Variants in COL6A3 observed in about 807,000 individuals in gnomAD.
The protein encoded by COL6A3 is collagen alpha-3(VI) chain.
Under a neutral mutation model 274.1 loss-of-function variants are expected in COL6A3, and 137 were observed. The observed-to-expected ratio is 0.50, with a 90% CI of 0.44 to 0.58. The LOEUF is 0.58. Among genes scored for constraint, COL6A3 ranks in the 20% least tolerant of loss-of-function variants. COL6A3 has a pLI of 0.00. For missense variants in COL6A3, 3,950 were observed against 4,124.9 expected (o/e 0.96, Z 1.16); for synonymous variants, 1,650 against 1,650.6 (o/e 1.00, Z 0.01).
rs762888705 is a variant in COL6A3 at position 237,345,230 on chromosome 2, C to T, written c.7093-17G>A. 52 of 1,613,836 alleles carry T rather than the reference C, an allele frequency of 3.2e-5. No homozygotes were observed. The East Asian group carries it at 6.2e-4, about 19-fold the overall frequency. ...CTTGGGACCCTGTAAAACCAAGGAA[C>T]GAAAGGTGAGAGGCACAGCAGATGG... On this transcript the variant is annotated splice_polypyrimidine_tract_variant and intron_variant, in intron 32 of 43. Transcript: ENST00000295550.
intron 13 of COL6A3, 125 bp from the exon 14 acceptor site, chr2:237,363,523 T>C (rs2077484503): frequency 1.9e-6 from 2 of 1,072,274 alleles, no homozygotes. Context: ...TAAATATATT[T>C]AATCAAGTTT....
Position 237,344,533 on chromosome 2 carries a change from G to T in COL6A3, c.7485C>A (p.Ala2495=). The change falls in exon 36 of 44, where the codon GCC becomes GCA. Residue 2495 remains alanine (A), a synonymous_variant. Transcript: ENST00000295550. The surrounding 1 kb of genome is among the most constrained non-coding windows in gnomAD (Gnocchi z 4.8). Reference sequence around the variant, plus strand: ...TCCTCACACGCTTAAATGTGTTCCTGGCCACAAACGACATGGCAGTCTCCA... The same window carrying T: ...TCCTCACACGCTTAAATGTGTTCCTTGCCACAAACGACATGGCAGTCTCCA... ...QSLETAMSFV[A]RNTFKRVRNG... The T allele has an allele frequency of 6.2e-7, 1 of 1,614,130 alleles. No homozygotes were observed. Among genetic ancestry groups the T allele is most frequent in the Non-Finnish European group, 8.5e-7 (1 of 1,180,030 alleles).
chr2:237,361,689 G>A lies in COL6A3; in HGVS notation c.6156+50C>T, dbSNP rs373833015. The A allele has an allele frequency of 6.6e-5, 98 of 1,483,964 alleles. 1 individual carries two copies. Among genetic ancestry groups the A allele is most frequent in the Admixed American group, 1.7e-4 (10 of 59,824 alleles). 91.9% of individuals were successfully genotyped at this position (1,483,964 alleles called of 1,614,324 possible). A position where few individuals can be genotyped will look rare whatever the true frequency, so the allele number is the denominator to read the frequency against. On this transcript the variant is annotated intron_variant, in intron 15 of 43. Coordinates refer to ENST00000295550, the MANE Select transcript of COL6A3 (RefSeq NM_004369.4). This position sits in a 1 kb window ranked among gnomAD's most constrained non-coding sequence, Gnocchi z 5.1. ...GAAATTACCCCACCAAAGTAATGTC[G>A]GGCTTCTGACACCTCATCTCAGGCG... is the stretch of plus-strand genomic sequence containing the variant.
At chr2:237,377,657 A>C (rs2077884906) in intron 6 of COL6A3, among the ~76,000 whole-genome samples, 1 of 152,194 alleles carries the variant, frequency 6.6e-6, no homozygotes, top group South Asian at 2.1e-4. Flanking sequence ...CTCCAGGAAA[A>C]CAGACAGCAG....
chr2:237,344,176 A>G lies in COL6A3; in HGVS notation c.7668+174T>C. On this transcript the variant is annotated intron_variant, in intron 36 of 43. Coordinates refer to ENST00000295550, the MANE Select transcript of COL6A3 (RefSeq NM_004369.4). The surrounding 1 kb of genome is among the most constrained non-coding windows in gnomAD (Gnocchi z 4.8). ...CATGTAGGCGTCCCTGTAGTGCTGG[A>G]GCCACGAGGTTGTCCTGGAGACCTC... The G allele has an allele frequency of 1.1e-6, 1 of 923,234 alleles. No individual in the cohort carries two copies. Among genetic ancestry groups the G allele is most frequent in the Non-Finnish European group, 1.8e-6 (1 of 569,788 alleles). The allele number at this position is 923,234 out of a possible 1,614,324, so 57.2% of individuals were successfully genotyped here.
In COL6A3 at chr2:237,359,478, A is replaced by G; in HGVS notation, c.6283-90T>C. Reference sequence around the variant, plus strand: ...AGGCCAAGGGCTGTTCCCCCACTCCACCCCATTTGAATGTTGCAGTGTCTG... The same window carrying G: ...AGGCCAAGGGCTGTTCCCCCACTCCGCCCCATTTGAATGTTGCAGTGTCTG... On this transcript the variant is annotated intron_variant, in intron 17 of 43. Transcript: ENST00000295550. The G allele has an allele frequency of 3.8e-6, 5 of 1,326,658 alleles. No homozygotes were observed. The East Asian group carries it at 1.1e-4, about 30-fold the overall frequency. The allele number at this position is 1,326,658 out of a possible 1,614,324, so 82.2% of individuals were successfully genotyped here.
chr2:237,364,255 G>A lies in COL6A3; in HGVS notation c.5917+95C>T. 1 of 966,872 alleles carries A rather than the reference G, an allele frequency of 1.0e-6. No individual in the cohort carries two copies. The highest frequency in any genetic ancestry group is 1.7e-6 in the Non-Finnish European group (1 of 602,264). The allele number at this position is 966,872 out of a possible 1,614,324, so 59.9% of individuals were successfully genotyped here. A position where few individuals can be genotyped will look rare whatever the true frequency, so the allele number is the denominator to read the frequency against. ...TCCCAAGACAACGCTGCTCCCTTGG[G>A]GCGCTGCATTAGCAGAGAGGTTTCT... On this transcript the variant is annotated intron_variant, in intron 13 of 43. Coordinates refer to ENST00000295550, the MANE Select transcript of COL6A3 (RefSeq NM_004369.4). The surrounding 1 kb of genome is among the most constrained non-coding windows in gnomAD (Gnocchi z 4.6).
chr2:237,348,695 C>T (rs200492164), intron 28 of COL6A3, 32 bp from the exon 29 acceptor site: 11 of 1,609,262 alleles, frequency 6.8e-6, no homozygotes, highest in African/African-American at 1.3e-5. Flanking sequence ...GACTGTAGGT[C>T]GCCATGCCTG....
intron 26 of COL6A3, among the ~76,000 whole-genome samples, 192 bp downstream of exon 26, chr2:237,352,330 A>G (rs1209709711): frequency 1.3e-5 from 2 of 152,186 alleles, no homozygotes; most frequent in Non-Finnish European, 2.9e-5. Flanking sequence ...CAAAAAAGGA[A>G]ACTCTTACTT....
Position 237,344,211 on chromosome 2 carries a change from G to C in COL6A3, c.7668+139C>G. On this transcript the variant is annotated intron_variant, in intron 36 of 43. Transcript: ENST00000295550. The surrounding 1 kb of genome is among the most constrained non-coding windows in gnomAD (Gnocchi z 4.8). ...TTGTCCTGGAGACCTCACAAGAGAA[G>C]TTCTCAGGCAGATGGCCTCATTGGG... 1 of 1,320,304 alleles carries C rather than the reference G, an allele frequency of 7.6e-7. No homozygotes were observed. Among genetic ancestry groups the C allele is most frequent in the Non-Finnish European group, 1.1e-6 (1 of 924,024 alleles). The allele number at this position is 1,320,304 out of a possible 1,614,324, so 81.8% of individuals were successfully genotyped here. A position where few individuals can be genotyped will look rare whatever the true frequency, so the allele number is the denominator to read the frequency against.
intron 4 of COL6A3, among the ~76,000 whole-genome samples, chr2:237,384,572 G>A (rs566365307): frequency 1.3e-5 from 2 of 152,038 alleles, no homozygotes; most frequent in East Asian, 1.9e-4. Flanking sequence ...TGCATGCCAC[G>A]CTCGGAACTC....
rs1210132500 is a variant in COL6A3 at position 237,371,818 on chromosome 2, A to T, written c.4199T>A (p.Leu1400Gln). 3.1e-6 allele frequency: 5 copies of T among 1,613,572 alleles called. No homozygotes were observed. The African/African-American group carries it at 5.3e-5, about 17-fold the overall frequency. The change falls in exon 9 of 44, where the codon CTG (leucine) becomes CAG (glutamine). Residue 1400 changes from leucine to glutamine, a missense_variant. By Grantham distance (113) the Leu-to-Gln change is moderately radical (BLOSUM62 -2). Transcript: ENST00000295550. The surrounding 1 kb of genome is among the most constrained non-coding windows in gnomAD (Gnocchi z 4.3). ...GATGGGCGTCAGCAGTTTCTGCTCC[A>T]GGCTGGGCAGCTCCCGGAAGGTGCT... Reference protein sequence around the residue: ...SVSTFRELPSLEQKLLTPITT... With the variant: ...SVSTFRELPSQEQKLLTPITT...
rs2077435448 is a variant in COL6A3 at position 237,361,461 on chromosome 2, T to C, written c.6156+278A>G. ...CTGCTGTCAGGGACGCCAGCTGCCT[T>C]TAACATTATTTTATGAAATGAAGGA... On this transcript the variant is annotated intron_variant, in intron 15 of 43. Coordinates refer to ENST00000295550, the MANE Select transcript of COL6A3 (RefSeq NM_004369.4). This position sits in a 1 kb window ranked among gnomAD's most constrained non-coding sequence, Gnocchi z 5.1. 1.3e-5 allele frequency among the ~76,000 whole-genome samples: 2 copies of C among 152,190 alleles called. No individual in the cohort carries two copies. Among genetic ancestry groups the C allele is most frequent in the Admixed American group, 1.3e-4 (2 of 15,284 alleles).
Position 237,344,169 on chromosome 2 carries a change from G to T in COL6A3, c.7668+181C>A. On this transcript the variant is annotated intron_variant, in intron 36 of 43. Coordinates refer to ENST00000295550, the MANE Select transcript of COL6A3 (RefSeq NM_004369.4). The surrounding 1 kb of genome is among the most constrained non-coding windows in gnomAD (Gnocchi z 4.8). ...CTACAAGCATGTAGGCGTCCCTGTA[G>T]TGCTGGAGCCACGAGGTTGTCCTGG... 1 of 869,640 alleles carries T rather than the reference G, an allele frequency of 1.1e-6. No individual in the cohort carries two copies. The highest frequency in any genetic ancestry group is 1.9e-6 in the Non-Finnish European group (1 of 522,846). 53.9% of individuals were successfully genotyped at this position (869,640 alleles called of 1,614,324 possible).
Position 237,369,499 on chromosome 2 carries a change from G to A in COL6A3, c.4286-322C>T, listed in dbSNP as rs2645775. On this transcript the variant is annotated intron_variant, in intron 9 of 43. Coordinates refer to ENST00000295550, the MANE Select transcript of COL6A3 (RefSeq NM_004369.4). ...ATTTAGAAATCAATCTTGGGCTACC[G>A]TAATCTACAGAATCATGAACTGTTG... 0.25 allele frequency among the ~76,000 whole-genome samples: 37,363 copies of A among 152,116 alleles called. 4,671 individuals are homozygous for A. Among genetic ancestry groups the A allele is most frequent in the Admixed American group, 0.3 (4,523 of 15,300 alleles).
intron 36 of COL6A3, chr2:237,343,924 C>A (rs1354799745): frequency 3.3e-6 from 1 of 298,806 alleles, no homozygotes; most frequent in Non-Finnish European, 6.6e-6. Context: ...ACCTCACCAG[C>A]CAGTTATGGG....
chr2:237,351,113 C>G lies in COL6A3; in HGVS notation c.6816+17G>C. ...GGTCCCTGTCCTCAGGAAAGCTCTA[C>G]CTTTCTAAAGACAAACCTTTCTTCC... On this transcript the variant is annotated intron_variant, in intron 27 of 43. Coordinates refer to ENST00000295550, the MANE Select transcript of COL6A3 (RefSeq NM_004369.4). 6.2e-7 allele frequency: 1 copy of G among 1,613,984 alleles called. No homozygotes were observed.
At chr2:237,366,628 C>T (rs2077559272) in intron 11 of COL6A3, 59 bp downstream of exon 11, 22 of 1,613,802 alleles carry the variant, frequency 1.4e-5, no homozygotes, top group Non-Finnish European at 1.8e-5. Context: ...GACCAGACAG[C>T]TAAAGAGGCA....
Position 237,333,431 on chromosome 2 carries a change from TAA to T in COL6A3, c.9328+17_9328+18del. On this transcript the variant is annotated intron_variant, in intron 42 of 43. Coordinates refer to ENST00000295550, the MANE Select transcript of COL6A3 (RefSeq NM_004369.4). ...ATTTTCTTAGTGCCATTAATGGACC[TAA>T]TAGTTTCACAACTCACCTGTTTCAG... 6.2e-7 allele frequency: 1 copy of T among 1,607,014 alleles called. No homozygotes were observed. Among genetic ancestry groups the T allele is most frequent in the East Asian group, 2.2e-5 (1 of 44,858 alleles).
Sources: gnomAD v4.1 joint callset for allele counts (sites outside exome capture counted in the v4.1 genomes callset) on GRCh38, gnomAD v4.1.1 for gene constraint, Gnocchi (gnomAD v3.1) non-coding constraint, MANE v1.5 for transcripts, NCBI Gene and HGNC (gene_info 2026-07-23, HGNC 2026-07-21) for gene names.